The following KCNAB1 variants were observed in gnomAD, a reference collection of about 807,000 sequenced individuals.
KCNAB1 encodes the protein voltage-gated potassium channel subunit beta-1.
In KCNAB1, 35 loss-of-function variants were observed where a neutral mutation model predicts 64.6. That is an observed-to-expected ratio of 0.54 (90% CI 0.41 to 0.72). The LOEUF is 0.72. Among genes scored for constraint, KCNAB1 ranks in the 30% least tolerant of loss-of-function variants. The pLI is 0.00. For missense variants in KCNAB1, 401 were observed against 512.9 expected (o/e 0.78, Z 2.11); for synonymous variants, 177 against 183.8 (o/e 0.96, Z 0.30).
At chr3:156,316,804 T>C (rs1372750319) in intron 1 of KCNAB1, among the ~76,000 whole-genome samples, 1 of 152,124 alleles carries the variant, frequency 6.6e-6, no homozygotes, top group Non-Finnish European at 1.5e-5. Flanking sequence ...CTCATCTTAC[T>C]CTGGGAACCT....
At chr3:156,234,875 G>T (rs1434462145) in intron 1 of KCNAB1, among the ~76,000 whole-genome samples, 1 of 152,168 alleles carries the variant, frequency 6.6e-6, no homozygotes, top group Non-Finnish European at 1.5e-5. Flanking sequence ...ACCAGAGTTT[G>T]CTATTATAAG....
chr3:156,261,697 A>T (rs900368187), intron 1 of KCNAB1, among the ~76,000 whole-genome samples: 1 of 152,006 alleles, frequency 6.6e-6, no homozygotes, highest in African/African-American at 2.4e-5. Context: ...GTTCTTCTTC[A>T]AATTGTTTTG....
intron 1 of KCNAB1, among the ~76,000 whole-genome samples, chr3:156,333,105 A>C (rs1405788616): frequency 6.6e-6 from 1 of 151,716 alleles, no homozygotes; most frequent in Admixed American, 6.6e-5. Context: ...ATCATTTCTC[A>C]CTCCTTCGTC....
intron 8 of KCNAB1, among the ~76,000 whole-genome samples, chr3:156,496,543 A>T (rs1159119819): frequency 6.6e-6 from 1 of 152,206 alleles, no homozygotes. Context: ...TTTTCTTTAT[A>T]AATTACCCAG....
At chr3:156,502,581 A>G (rs1436733770) in intron 8 of KCNAB1, among the ~76,000 whole-genome samples, 1 of 150,950 alleles carries the variant, frequency 6.6e-6, no homozygotes, top group African/African-American at 2.5e-5. Flanking sequence ...CACAAATTCA[A>G]GATGAATCAG....
intron 1 of KCNAB1, among the ~76,000 whole-genome samples, chr3:156,241,420 G>A (rs1436288347): frequency 2.6e-5 from 4 of 152,164 alleles, no homozygotes; most frequent in East Asian, 3.9e-4. Flanking sequence ...TGGACTGTAT[G>A]CACTCAAGGT....
chr3:156,277,719 T>C (rs1490338278), intron 1 of KCNAB1, among the ~76,000 whole-genome samples: 2 of 152,208 alleles, frequency 1.3e-5, no homozygotes, highest in Admixed American at 1.3e-4. Flanking sequence ...ACTGCAGATA[T>C]CTCTTCAAGA....
At chr3:156,300,772 G>A (rs1205548561) in intron 1 of KCNAB1, among the ~76,000 whole-genome samples, 2 of 152,036 alleles carry the variant, frequency 1.3e-5, no homozygotes, top group African/African-American at 4.8e-5. Flanking sequence ...AAATTATAAT[G>A]GTGACAGTTG....
intron 1 of KCNAB1, among the ~76,000 whole-genome samples, chr3:156,200,482 A>G (rs899832882): frequency 5.3e-5 from 8 of 152,214 alleles, no homozygotes; most frequent in Admixed American, 1.3e-4. Context: ...TAAGCCCCTG[A>G]CTGGGGCTGG....
intron 1 of KCNAB1, among the ~76,000 whole-genome samples, chr3:156,308,294 C>T (rs1226221750): frequency 6.6e-6 from 1 of 152,114 alleles, no homozygotes; most frequent in South Asian, 2.1e-4. Context: ...ATATTGAGGG[C>T]CCTGTGGGCC....
chr3:156,161,496 G>T (rs1206515185), intron 1 of KCNAB1, among the ~76,000 whole-genome samples: 2 of 152,300 alleles, frequency 1.3e-5, no homozygotes, highest in East Asian at 3.9e-4. Context: ...GAAGAAGAAT[G>T]TAGTTACCTG....
chr3:156,214,802 G>T (rs1715217700), intron 1 of KCNAB1, among the ~76,000 whole-genome samples: 1 of 152,234 alleles, frequency 6.6e-6, no homozygotes, highest in Non-Finnish European at 1.5e-5. Context: ...TGTCTTCCCA[G>T]TGAGTGTAAT....
chr3:156,217,877 T>C (rs1354282322), intron 1 of KCNAB1: 1 of 152,138 alleles, frequency 6.6e-6, no homozygotes, highest in Non-Finnish European at 1.5e-5. Flanking sequence ...AGATGGCAAA[T>C]AGGAGGCAGG....
chr3:156,283,423 T>C (rs1719872426), intron 1 of KCNAB1, among the ~76,000 whole-genome samples: 1 of 149,994 alleles, frequency 6.7e-6, no homozygotes, highest in Non-Finnish European at 1.5e-5. Context: ...TCAACTTTGG[T>C]GAATCTGACA....
Position 156,502,627 on chromosome 3 carries a change from T to G in KCNAB1, c.659-11737T>G, listed in dbSNP as rs115600915. 4.5e-3 allele frequency among the ~76,000 whole-genome samples: 677 copies of G among 151,994 alleles called. 1 individual carries two copies. The highest frequency in any genetic ancestry group is 0.015 in the African/African-American group (633 of 41,402). On this transcript the variant is annotated intron_variant, in intron 8 of 13. Coordinates refer to ENST00000490337, the MANE Select transcript of KCNAB1 (RefSeq NM_172160.3). ...GACAAGAACAAAACTTTACAAATTT[T>G]AGAAGGACAAATAATTCTTTTTCAA...
intron 1 of KCNAB1, among the ~76,000 whole-genome samples, chr3:156,404,874 T>C (rs1714145707): frequency 6.6e-6 from 1 of 152,230 alleles, no homozygotes; most frequent in Non-Finnish European, 1.5e-5. Context: ...AACAATTTGA[T>C]GGCTTTGATG....
Position 156,294,060 on chromosome 3 carries a change from T to G in KCNAB1, c.276-127556T>G, listed in dbSNP as rs564882465. Among the ~76,000 whole-genome samples, 4 of 152,356 alleles carry G rather than the reference T, an allele frequency of 2.6e-5. No homozygotes were observed. In the South Asian group the frequency reaches 8.3e-4, roughly 32 times the overall value. On this transcript the variant is annotated intron_variant, in intron 1 of 13. Coordinates refer to ENST00000490337, the MANE Select transcript of KCNAB1 (RefSeq NM_172160.3). Reference sequence around the variant, plus strand: ...ATTTCTTGAGGCAGAGTTTCATAGTTGCTTGATGATTGTGTTGGAAGAGTT... The same window carrying G: ...ATTTCTTGAGGCAGAGTTTCATAGTGGCTTGATGATTGTGTTGGAAGAGTT...
chr3:156,524,339 C>A, intron 12 of KCNAB1: 1 of 157,302 alleles, frequency 6.4e-6, no homozygotes, highest in Non-Finnish European at 1.4e-5. Context: ...GCTACTGCCA[C>A]ATGAAAAGCT....
intron 1 of KCNAB1, among the ~76,000 whole-genome samples, chr3:156,355,911 G>A (rs1291431305): frequency 6.6e-6 from 1 of 152,054 alleles, no homozygotes; most frequent in Non-Finnish European, 1.5e-5. Flanking sequence ...GAACCCAGGA[G>A]TTCAAGACCA....
Sources: allele counts gnomAD v4.1 joint callset (sites outside exome capture counted in the v4.1 genomes callset), GRCh38; gene constraint gnomAD v4.1.1; transcripts MANE v1.5; gene names NCBI Gene and HGNC (gene_info 2026-07-23, HGNC 2026-07-21).